The following MED13L variants were observed in gnomAD, a reference collection of about 807,000 sequenced individuals.
MED13L encodes mediator of RNA polymerase II transcription subunit 13-like.
Under a neutral mutation model 220.9 loss-of-function variants are expected in MED13L, and 7 were observed. That is an observed-to-expected ratio of 0.03 (90% CI 0.02 to 0.06). MED13L has a LOEUF of 0.06. Ranked by LOEUF, MED13L falls within the 10% of genes least tolerant of loss-of-function variation. The pLI is 1.00. For missense variants in MED13L, 1,965 were observed against 2,760.5 expected (o/e 0.71, Z 6.46); for synonymous variants, 1,011 against 1,015.2 (o/e 1.00, Z 0.08).
chr12:116,200,222 T>TA (rs1215702100), intron 2 of MED13L, among the ~76,000 whole-genome samples: 1 of 152,180 alleles, frequency 6.6e-6, no homozygotes, highest in African/African-American at 2.4e-5. Context: ...GCCTTTTTTT[T>TA]AATTATCGCA....
chr12:116,130,844 A>G (rs567099277), intron 2 of MED13L, among the ~76,000 whole-genome samples: 1 of 91,954 alleles, frequency 1.1e-5, no homozygotes, highest in Admixed American at 1.2e-4. Flanking sequence ...ACAAGTATCT[A>G]AGCCATTTAA....
At chr12:116,103,536 C>A (rs1386869758) in intron 3 of MED13L, among the ~76,000 whole-genome samples, 1 of 152,168 alleles carries the variant, frequency 6.6e-6, no homozygotes, top group African/African-American at 2.4e-5. Flanking sequence ...ATCCTCCTGA[C>A]TCAGCCTCCT....
chr12:116,262,370 G>T (rs1872574918), intron 1 of MED13L, among the ~76,000 whole-genome samples: 1 of 152,058 alleles, frequency 6.6e-6, no homozygotes, highest in South Asian at 2.1e-4. Context: ...ATATAAGATA[G>T]ATTACAAGGA....
chr12:116,114,364 T>TA (rs1874343562), intron 2 of MED13L, among the ~76,000 whole-genome samples: 1 of 152,208 alleles, frequency 6.6e-6, no homozygotes, highest in Non-Finnish European at 1.5e-5. Context: ...ACTGAACAAT[T>TA]AATGAGCATG....
At chr12:116,270,182 G>A (rs1324196448) in intron 1 of MED13L, among the ~76,000 whole-genome samples, 3 of 149,548 alleles carry the variant, frequency 2.0e-5, no homozygotes, top group Non-Finnish European at 1.5e-5. Context: ...TCGCTCTGTC[G>A]CCAGACTGGA....
chr12:116,234,078 T>C (rs1869837272), intron 2 of MED13L, among the ~76,000 whole-genome samples: 1 of 152,142 alleles, frequency 6.6e-6, no homozygotes. Flanking sequence ...AGGACGCTAT[T>C]TGGAGTACGC....
chr12:115,990,066 C>A (rs959166737), intron 17 of MED13L, among the ~76,000 whole-genome samples: 1 of 152,166 alleles, frequency 6.6e-6, no homozygotes, highest in Non-Finnish European at 1.5e-5. Context: ...TAATCTAGCC[C>A]CTGCATGCTT....
chr12:116,119,210 A>T (rs1874789368), intron 2 of MED13L, among the ~76,000 whole-genome samples: 1 of 152,180 alleles, frequency 6.6e-6, no homozygotes, highest in African/African-American at 2.4e-5. Context: ...GGACAAGGAC[A>T]TACATTCTAA....
chr12:116,221,264 A>G (rs1483483924), intron 2 of MED13L, among the ~76,000 whole-genome samples: 3 of 151,802 alleles, frequency 2.0e-5, no homozygotes, highest in African/African-American at 7.3e-5. Context: ...AGTCTCAGCT[A>G]CCCACAAGGC....
intron 1 of MED13L, among the ~76,000 whole-genome samples, chr12:116,251,867 T>C (rs1442999380): frequency 1.3e-5 from 2 of 151,060 alleles, no homozygotes; most frequent in Non-Finnish European, 2.9e-5. Flanking sequence ...AAAGATATAC[T>C]GTGCAAATTA....
intron 4 of MED13L, among the ~76,000 whole-genome samples, chr12:116,023,162 G>A (rs1880163915): frequency 6.6e-6 from 1 of 152,174 alleles, no homozygotes; most frequent in Admixed American, 6.5e-5. Flanking sequence ...CAGGCACGGT[G>A]GTGTGCACCT....
chr12:116,062,732 C>T (rs1869613337), intron 4 of MED13L, among the ~76,000 whole-genome samples: 2 of 152,036 alleles, frequency 1.3e-5, no homozygotes, highest in South Asian at 4.1e-4. Context: ...GTGATCCGAC[C>T]AACTCACCCG....
chr12:116,186,896 TC>T (rs946516574), intron 2 of MED13L, among the ~76,000 whole-genome samples: 1 of 152,198 alleles, frequency 6.6e-6, no homozygotes, highest in African/African-American at 2.4e-5. Flanking sequence ...TGTTCCCAAG[TC>T]CACACTTTTC....
chr12:116,096,331 G>A (rs1485582767), intron 4 of MED13L, among the ~76,000 whole-genome samples: 5 of 102,926 alleles, frequency 4.9e-5, no homozygotes, highest in African/African-American at 1.9e-4. Context: ...CTCCAGCCTG[G>A]GTGACAGAGT....
At chr12:116,060,526 C>T (rs1171482352) in intron 4 of MED13L, among the ~76,000 whole-genome samples, 2 of 148,060 alleles carry the variant, frequency 1.4e-5, no homozygotes, top group Admixed American at 6.8e-5. Flanking sequence ...TGTAGTGAGC[C>T]GAGATCATGC....
At chr12:116,060,017 A>G (rs1869305988) in intron 4 of MED13L, among the ~76,000 whole-genome samples, 1 of 152,208 alleles carries the variant, frequency 6.6e-6, no homozygotes, top group African/African-American at 2.4e-5. Flanking sequence ...TGTCTTTTCT[A>G]CACTGCAGGG....
chr12:116,235,954 A>C (rs567678429), intron 2 of MED13L, among the ~76,000 whole-genome samples: 1 of 152,330 alleles, frequency 6.6e-6, no homozygotes, highest in Admixed American at 6.5e-5. Context: ...CAATCATGAA[A>C]GATAAGAAAG....
Position 115,991,617 on chromosome 12 carries a change from G to C in MED13L, c.3337C>G (p.Leu1113Val). ...IPEAHSLYVT[L>V]ILSDSVMNIF... ...TTCATCACGGAATCGGAGAGAATCA[G>C]GGTAACATAGAGGCTGTGGGCTTCG... The change falls in exon 17 of 31, where the codon CTG becomes GTG. Residue 1113 changes from leucine to valine, a missense_variant. This residue lies in a region of MED13L where 233 missense variants were observed against 306.2 expected (regional missense o/e 0.76). Transcript: ENST00000281928. This position sits in a 1 kb window ranked among gnomAD's most constrained non-coding sequence, Gnocchi z 7.7. 6.2e-7 allele frequency: 1 copy of C among 1,614,120 alleles called. No individual in the cohort carries two copies. The highest frequency in any genetic ancestry group is 8.5e-7 in the Non-Finnish European group (1 of 1,180,012).
chr12:116,098,119 G>A (rs1440318925), intron 3 of MED13L, among the ~76,000 whole-genome samples: 2 of 152,032 alleles, frequency 1.3e-5, no homozygotes, highest in African/African-American at 4.8e-5. Context: ...GGTGGTGCGC[G>A]CCTGTAATCC....
Sources: allele counts gnomAD v4.1 joint callset (sites outside exome capture counted in the v4.1 genomes callset), GRCh38; gene constraint gnomAD v4.1.1; regional missense constraint gnomAD v4.1.1; non-coding constraint Gnocchi (gnomAD v3.1); transcripts MANE v1.5; gene names NCBI Gene and HGNC (gene_info 2026-07-23, HGNC 2026-07-21).